Variants in CD109 observed in about 807,000 individuals in gnomAD.
The protein encoded by CD109 is CD109 antigen.
A neutral mutation model predicts 165.8 loss-of-function variants in CD109; 149 were observed. The observed-to-expected ratio is 0.90, with a 90% CI of 0.79 to 1.03. CD109 has a LOEUF of 1.03. Among genes scored for constraint, CD109 ranks in the 50% least tolerant of loss-of-function variants. The probability of loss-of-function intolerance (pLI) is 0.00; values close to 1 mark genes in which losing one functional copy is unlikely to be tolerated. For missense variants in CD109, 1,712 were observed against 1,677.8 expected, an observed-to-expected ratio of 1.02 and a Z score of -0.36; for synonymous variants, 585 against 592.1, an observed-to-expected ratio of 0.99 and a Z score of 0.18.
At chr6:73,770,266 G>T (rs1291964602) in intron 14 of CD109, among the ~76,000 whole-genome samples, 9 of 152,240 alleles carry the variant, frequency 5.9e-5, no homozygotes, top group South Asian at 2.1e-4. Flanking sequence ...GTTGGAGAAA[G>T]AATTTATAAT....
At chr6:73,746,041 T>C (rs1038839227) in intron 5 of CD109, among the ~76,000 whole-genome samples, 1 of 152,240 alleles carries the variant, frequency 6.6e-6, no homozygotes, top group African/African-American at 2.4e-5. Context: ...AGAAGATTAA[T>C]TTTAAAAATA....
chr6:73,769,666 G>A (rs1773969203), intron 14 of CD109, among the ~76,000 whole-genome samples: 1 of 152,190 alleles, frequency 6.6e-6, no homozygotes, highest in African/African-American at 2.4e-5. Context: ...TAATGACTAT[G>A]GAATAAATAA....
intron 6 of CD109, among the ~76,000 whole-genome samples, chr6:73,758,075 ACT>A (rs1025529250): frequency 2.1e-4 from 32 of 151,424 alleles, no homozygotes; most frequent in African/African-American, 6.1e-4. Context: ...GTCATAGTTG[ACT>A]CACGTGACTT....
intron 32 of CD109, 127 bp from the exon 33 acceptor site, chr6:73,823,331 A>G: frequency 2.8e-6 from 2 of 722,222 alleles, no homozygotes; most frequent in Non-Finnish European, 4.5e-6. Context: ...GTTTCTTGTA[A>G]AGAAAAATAA....
chr6:73,801,209 G>A (rs142490684), intron 23 of CD109, among the ~76,000 whole-genome samples: 1 of 152,326 alleles, frequency 6.6e-6, no homozygotes, highest in East Asian at 1.9e-4. Context: ...TTCACTCCCT[G>A]TTAGCTGTGT....
At chr6:73,767,121 T>TG in intron 13 of CD109, 111 bp downstream of exon 13, 1 of 843,624 alleles carries the variant, frequency 1.2e-6, no homozygotes, top group South Asian at 1.7e-5. Flanking sequence ...ACTCATGTCA[T>TG]GGGGGTTTGT....
At chr6:73,736,290 G>T in intron 4 of CD109, 93 bp from the exon 5 acceptor site, 1 of 1,352,372 alleles carries the variant, frequency 7.4e-7, no homozygotes, top group Non-Finnish European at 1.0e-6. Context: ...CTGGACCTGG[G>T]TGGGAATGCT....
At chr6:73,813,554 A>G (rs1775825925) in intron 29 of CD109, among the ~76,000 whole-genome samples, 1 of 152,128 alleles carries the variant, frequency 6.6e-6, no homozygotes, top group South Asian at 2.1e-4. Flanking sequence ...GGAGGAAAAA[A>G]ATTACAAAGA....
At chr6:73,684,161 T>C in the CD109 span, among the ~76,000 whole-genome samples, 1 of 152,110 alleles carries the variant, frequency 6.6e-6, no homozygotes, top group African/African-American at 2.4e-5. Flanking sequence ...ATACAGTAGT[T>C]CTATTTTTAA....
chr6:73,687,246 G>A, the CD109 span, among the ~76,000 whole-genome samples: 2,550 of 152,158 alleles, frequency 0.017, 44 homozygotes, highest in Admixed American at 0.042. Flanking sequence ...GCAGGATAAA[G>A]GTTAATTCTT....
chr6:73,802,884 G>C (rs757394538), intron 23 of CD109, among the ~76,000 whole-genome samples: 2 of 152,030 alleles, frequency 1.3e-5, no homozygotes, highest in Non-Finnish European at 2.9e-5. Flanking sequence ...ATTTTTAATA[G>C]AGATGGGGTT....
chr6:73,735,258 CA>C (rs1772500341), intron 4 of CD109, among the ~76,000 whole-genome samples: 1 of 152,180 alleles, frequency 6.6e-6, no homozygotes, highest in Admixed American at 6.5e-5. Flanking sequence ...GTATAATCAT[CA>C]TATACTATAA....
chr6:73,771,059 G>A (rs1774015286), intron 14 of CD109, among the ~76,000 whole-genome samples: 1 of 152,134 alleles, frequency 6.6e-6, no homozygotes. Context: ...GTAGGCATCT[G>A]CAGTTTCTTT....
intron 28 of CD109, among the ~76,000 whole-genome samples, chr6:73,811,994 T>A (rs1775772483): frequency 6.6e-6 from 1 of 152,016 alleles, no homozygotes; most frequent in Non-Finnish European, 1.5e-5. Flanking sequence ...TGGGCAGAGG[T>A]GAGGGAGCTT....
Position 73,763,491 on chromosome 6 carries a change from A to G in CD109, c.998-85A>G, listed in dbSNP as rs1031468786. 7.1e-6 allele frequency: 5 copies of G among 703,700 alleles called. No homozygotes were observed. The African/African-American group carries it at 7.2e-5, about 10-fold the overall frequency. The allele number at this position is 703,700 out of a possible 1,614,324, so 43.6% of individuals were successfully genotyped here. The stretch of plus-strand genomic sequence containing the variant: ...CCTGATATTTTTAACCCTTTTTGCA[A>G]TAGGTTAGATGGAGAGATTTGGTGG... On this transcript the variant is annotated intron_variant, in intron 9 of 32. Transcript: ENST00000287097.
the CD109 span, among the ~76,000 whole-genome samples, chr6:73,688,761 GTTTTTT>G: frequency 2.4e-3 from 176 of 73,524 alleles, 2 homozygotes; most frequent in African/African-American, 7.9e-3. Context: ...GTTTTTCTTT[GTTTTTT>G]TTTTTTTTTT....
intron 5 of CD109, among the ~76,000 whole-genome samples, chr6:73,752,428 T>G (rs1458356503): frequency 2.6e-5 from 4 of 152,196 alleles, no homozygotes; most frequent in South Asian, 2.1e-4. Context: ...TAATGTGTTT[T>G]CTCTTTCCCA....
In CD109 at chr6:73,783,772, GT is replaced by G; in HGVS notation, c.2175del (p.Phe725LeufsTer2). On this transcript the variant is annotated frameshift_variant, in exon 19 of 33. Transcript: ENST00000287097. LOFTEE classifies it high-confidence loss of function. ...TCTATCACTTCTTGGGTGGCTACTG[GT>G]TTTGTGATCTCTGAGGACCTGGGTC... Reference protein sequence around the residue: ...PDSITSWVATGFVISEDLGLG... With the variant: ...PDSITSWVATXFVISEDLGLG... 2 of 1,613,390 alleles carry G rather than the reference GT, an allele frequency of 1.2e-6. No homozygotes were observed. The highest frequency in any genetic ancestry group is 8.5e-7 in the Non-Finnish European group (1 of 1,179,520).
chr6:73,786,185 A>G (rs1325372244), intron 20 of CD109, among the ~76,000 whole-genome samples: 1 of 152,052 alleles, frequency 6.6e-6, no homozygotes, highest in Non-Finnish European at 1.5e-5. Flanking sequence ...AGGATTCACT[A>G]TTGGATTCAC....
Sources: gnomAD v4.1 joint callset for allele counts (sites outside exome capture counted in the v4.1 genomes callset) on GRCh38, gnomAD v4.1.1 for gene constraint, MANE v1.5 for transcripts, NCBI Gene and HGNC (gene_info 2026-07-23, HGNC 2026-07-21) for gene names.